Variants in PLCB1 observed in about 807,000 individuals in gnomAD.
PLCB1 encodes the protein phospholipase C beta 1, also known as 1-phosphatidylinositol 4,5-bisphosphate phosphodiesterase beta-1.
In PLCB1, 46 loss-of-function variants were observed where a neutral mutation model predicts 161.8. The ratio of observed to expected loss-of-function variants is 0.28; its 90% confidence interval spans 0.22 to 0.36. The LOEUF (loss-of-function observed/expected upper bound fraction) is 0.36. Among genes scored for constraint, PLCB1 ranks in the 10% least tolerant of loss-of-function variants. PLCB1 has a pLI of 1.00. For missense variants in PLCB1, 1,016 were observed against 1,472.5 expected (o/e 0.69, Z 5.07); for synonymous variants, 517 against 503.7 (o/e 1.03, Z -0.35).
At chr20:8,293,934 G>A (rs545765457) in intron 2 of PLCB1, among the ~76,000 whole-genome samples, 2 of 152,248 alleles carry the variant, frequency 1.3e-5, no homozygotes, top group African/African-American at 4.8e-5. Context: ...AGATAGGTTC[G>A]TGTTGGTCAT....
At chr20:8,320,331 C>A (rs73895789) in intron 2 of PLCB1, among the ~76,000 whole-genome samples, 5,951 of 152,230 alleles carry the variant, frequency 0.039, 158 homozygotes, top group Middle Eastern at 0.095. Context: ...ATGCCAGACT[C>A]AGTTCTAGGA....
At chr20:8,458,840 T>A (rs539880526) in intron 3 of PLCB1, among the ~76,000 whole-genome samples, 105 of 152,308 alleles carry the variant, frequency 6.9e-4, no homozygotes, top group African/African-American at 2.5e-3. Context: ...AAGGAAATCA[T>A]GCAGATGAAT....
intron 2 of PLCB1, among the ~76,000 whole-genome samples, chr20:8,278,015 TG>T (rs1370637748): frequency 6.6e-6 from 1 of 151,946 alleles, no homozygotes; most frequent in Non-Finnish European, 1.5e-5. Flanking sequence ...GCTTGCAAAA[TG>T]AAATATGTAC....
chr20:8,489,666 G>A (rs964920705), intron 3 of PLCB1, among the ~76,000 whole-genome samples: 2 of 152,164 alleles, frequency 1.3e-5, no homozygotes, highest in Non-Finnish European at 2.9e-5. Flanking sequence ...ACGCAGTACA[G>A]GACTTGGCAG....
chr20:8,672,764 C>T (rs1243434105), intron 9 of PLCB1, among the ~76,000 whole-genome samples: 1 of 152,020 alleles, frequency 6.6e-6, no homozygotes, highest in African/African-American at 2.4e-5. Flanking sequence ...TGCTACTGAG[C>T]TCAGAAATTT....
At chr20:8,170,627 A>T (rs1467868294) in intron 2 of PLCB1, among the ~76,000 whole-genome samples, 3 of 152,196 alleles carry the variant, frequency 2.0e-5, no homozygotes, top group Admixed American at 6.6e-5. Flanking sequence ...GAAGCATATT[A>T]TATTGAAAGG....
chr20:8,600,585 C>G (rs1458043722), intron 3 of PLCB1: 9 of 150,974 alleles, frequency 6.0e-5, no homozygotes, highest in African/African-American at 1.2e-4. Context: ...GAGGTGGAGC[C>G]TACAGAGGCA....
At chr20:8,380,339 G>A (rs559978731) in intron 3 of PLCB1, among the ~76,000 whole-genome samples, 4 of 152,214 alleles carry the variant, frequency 2.6e-5, no homozygotes, top group Non-Finnish European at 4.4e-5. Context: ...CACCTGTTTC[G>A]GTTACTGTAG....
intron 27 of PLCB1, among the ~76,000 whole-genome samples, chr20:8,776,514 A>T (rs938677901): frequency 6.6e-6 from 1 of 152,300 alleles, no homozygotes; most frequent in Middle Eastern, 3.4e-3. Context: ...GTCTCTCTTT[A>T]AACAGCTTTA....
intron 7 of PLCB1, among the ~76,000 whole-genome samples, chr20:8,654,243 A>C (rs1989392795): frequency 6.6e-6 from 1 of 151,982 alleles, no homozygotes; most frequent in South Asian, 2.1e-4. Context: ...AGTACTTTGC[A>C]GTTTCTAAAA....
At chr20:8,458,865 A>T (rs1254555450) in intron 3 of PLCB1, among the ~76,000 whole-genome samples, 2 of 152,236 alleles carry the variant, frequency 1.3e-5, no homozygotes, top group Admixed American at 6.5e-5. Flanking sequence ...TAATGTTTGT[A>T]CAGAGCTTGA....
At chr20:8,271,896 G>A (rs986015954) in intron 2 of PLCB1, among the ~76,000 whole-genome samples, 2 of 152,094 alleles carry the variant, frequency 1.3e-5, no homozygotes, top group Admixed American at 6.6e-5. Context: ...TTATCAAGTA[G>A]CACATTCCAC....
At chr20:8,561,679 C>T (rs532324058) in intron 3 of PLCB1, among the ~76,000 whole-genome samples, 2 of 151,952 alleles carry the variant, frequency 1.3e-5, no homozygotes, top group African/African-American at 4.8e-5. Flanking sequence ...GCTTCAACTG[C>T]TCAATTTGCA....
At chr20:8,651,614 C>A (rs1181967136) in intron 7 of PLCB1, 4 of 668,946 alleles carry the variant, frequency 6.0e-6, no homozygotes, top group Admixed American at 2.2e-5. Context: ...TGAGCTCTTA[C>A]TATGTGCCCA....
At chr20:8,736,936 G>A in intron 19 of PLCB1, 92 bp from the exon 20 acceptor site, 1 of 911,908 alleles carries the variant, frequency 1.1e-6, no homozygotes, top group East Asian at 2.4e-5. Flanking sequence ...ATTTGCTGAA[G>A]AGCATTTGTG....
intron 26 of PLCB1, among the ~76,000 whole-genome samples, chr20:8,773,444 CTTTAA>C (rs1458608763): frequency 1.3e-5 from 2 of 152,180 alleles, no homozygotes; most frequent in Non-Finnish European, 2.9e-5. Context: ...ATGATAATTA[CTTTAA>C]TTTATTTTGA....
At chr20:8,532,986 T>C (rs1984877769) in intron 3 of PLCB1, among the ~76,000 whole-genome samples, 1 of 151,562 alleles carries the variant, frequency 6.6e-6, no homozygotes, top group Non-Finnish European at 1.5e-5. Flanking sequence ...TAGCATTAGG[T>C]ATATCTCCTA....
chr20:8,744,196 C>G (rs113233677), intron 23 of PLCB1, among the ~76,000 whole-genome samples: 61 of 152,018 alleles, frequency 4.0e-4, no homozygotes, highest in African/African-American at 1.4e-3. Flanking sequence ...CAGAAATGTC[C>G]TTTTTCAACT....
intron 23 of PLCB1, among the ~76,000 whole-genome samples, chr20:8,742,575 G>C (rs1376545809): frequency 6.6e-6 from 1 of 152,162 alleles, no homozygotes; most frequent in Non-Finnish European, 1.5e-5. Context: ...CACATTAAAT[G>C]TGGGGTGTAT....
Sources: gnomAD v4.1 joint callset for allele counts (sites outside exome capture counted in the v4.1 genomes callset) on GRCh38, gnomAD v4.1.1 for gene constraint, MANE v1.5 for transcripts, NCBI Gene and HGNC (gene_info 2026-07-23, HGNC 2026-07-21) for gene names.